B3GALT5: variants seen among roughly 807,000 people sequenced by gnomAD.
The protein encoded by B3GALT5 is UDP-Gal:betaGlcNAc beta 1,3-galactosyltransferase, polypeptide 5.
For synonymous variants in B3GALT5, 156 were observed against 158.6 expected, an observed-to-expected ratio of 0.98 and a Z score of 0.12; for missense variants, 328 against 396.6, an observed-to-expected ratio of 0.83 and a Z score of 1.47.
intron 1 of B3GALT5, among the ~76,000 whole-genome samples, chr21:39,632,414 A>G (rs1232309877): frequency 6.6e-6 from 1 of 152,122 alleles, no homozygotes; most frequent in East Asian, 1.9e-4. Context: ...TGATGGATGA[A>G]GTGGTGCGAG....
In B3GALT5 at chr21:39,661,246, G is replaced by A. The variant is rs894532039; in HGVS notation, c.687G>A (p.Val229=). 4 of 1,614,040 alleles carry A rather than the reference G, an allele frequency of 2.5e-6. No homozygotes were observed. The highest frequency in any genetic ancestry group is 2.2e-5 in the East Asian group (1 of 44,890). Reference sequence around the variant, plus strand: ...TTTCTGGCGACGTGGCGAGTCAGGTGTACAATGTCTCCAAGAGCGTCCCAT... The same window carrying A: ...TTTCTGGCGACGTGGCGAGTCAGGTATACAATGTCTCCAAGAGCGTCCCAT... ...YVFSGDVASQ[V]YNVSKSVPYI... The change falls in exon 4 of 4, where the codon GTG becomes GTA. Residue 229 remains valine, a synonymous_variant. Transcript: ENST00000684187. The surrounding 1 kb of genome is among the most constrained non-coding windows in gnomAD (Gnocchi z 4.7).
At chr21:39,633,870 G>A (rs371521133) in intron 1 of B3GALT5, among the ~76,000 whole-genome samples, 4 of 152,252 alleles carry the variant, frequency 2.6e-5, no homozygotes, top group East Asian at 1.9e-4. Context: ...TTGAAGAAAC[G>A]GAGGCTTAGT....
Position 39,671,427 on chromosome 21 carries a change from G to A in B3GALT5, c.*9935G>A, listed in dbSNP as rs919618759. ...TTGGGTCTCTGGCATGGTGCCTGCT[G>A]GAGAGTAGATACTTGATAATTATCT... On this transcript the variant is annotated 3_prime_UTR_variant, in exon 4 of 4. Transcript: ENST00000684187. The A allele has an allele frequency of 6.6e-6, 1 of 152,084 alleles. No individual in the cohort carries two copies. Among genetic ancestry groups the A allele is most frequent in the African/African-American group, 2.4e-5 (1 of 41,398 alleles). The allele number at this position is 152,084 out of a possible 1,614,324, so 9.4% of individuals were successfully genotyped here.
At chr21:39,637,815 A>G (rs2079239428) in intron 1 of B3GALT5, among the ~76,000 whole-genome samples, 1 of 152,224 alleles carries the variant, frequency 6.6e-6, no homozygotes, top group East Asian at 1.9e-4. Flanking sequence ...TTTAGAAGCA[A>G]GGAGACTTAA....
At chr21:39,651,937 G>A (rs2146209649) in intron 2 of B3GALT5, among the ~76,000 whole-genome samples, 1 of 152,282 alleles carries the variant, frequency 6.6e-6, no homozygotes, top group African/African-American at 2.4e-5. Flanking sequence ...ATGTAAAAAC[G>A]TTATTCAGAG....
In B3GALT5 at chr21:39,670,265, C is replaced by G. The variant is rs1443821842; in HGVS notation, c.*8773C>G. The G allele has an allele frequency of 6.7e-6, 1 of 149,240 alleles. No homozygotes were observed. Among genetic ancestry groups the G allele is most frequent in the Non-Finnish European group, 1.5e-5 (1 of 67,724 alleles). 9.2% of individuals were successfully genotyped at this position (149,240 alleles called of 1,614,324 possible). ...TATGAGAGAGAGAGAGACAGACAGA[C>G]AGATCTGAGGCTCTAATTAGAGATA... is the stretch of plus-strand genomic sequence containing the variant. On this transcript the variant is annotated 3_prime_UTR_variant, in exon 4 of 4. Transcript: ENST00000684187.
At chr21:39,639,334 CTTTCTTTCT>C (rs2079258316) in intron 1 of B3GALT5, among the ~76,000 whole-genome samples, 5 of 118,552 alleles carry the variant, frequency 4.2e-5, no homozygotes, top group Admixed American at 8.8e-5. Flanking sequence ...TTCTTTCTTT[CTTTCTTTCT>C]TTCTTTCCTT....
chr21:39,624,907 T>G (rs1391951700), intron 1 of B3GALT5, among the ~76,000 whole-genome samples: 1 of 151,976 alleles, frequency 6.6e-6, no homozygotes, highest in African/African-American at 2.4e-5. Flanking sequence ...GTGCTTCTAC[T>G]CTGAGACTCA....
At chr21:39,632,793 G>C (rs1424601234) in intron 1 of B3GALT5, among the ~76,000 whole-genome samples, 1 of 152,276 alleles carries the variant, frequency 6.6e-6, no homozygotes, top group South Asian at 2.1e-4. Flanking sequence ...ATAAATGTGG[G>C]TGCTCCTTGA....
chr21:39,650,622 G>A (rs1210303837), intron 2 of B3GALT5, among the ~76,000 whole-genome samples: 4 of 152,106 alleles, frequency 2.6e-5, no homozygotes, highest in African/African-American at 9.7e-5. Context: ...TCATACCTGC[G>A]TGCAGATGCC....
At chr21:39,622,651 T>G (rs1458913477) in intron 1 of B3GALT5, among the ~76,000 whole-genome samples, 1 of 152,144 alleles carries the variant, frequency 6.6e-6, no homozygotes, top group Non-Finnish European at 1.5e-5. Flanking sequence ...ATAGGTAGAT[T>G]TTTTCCAACC....
At chr21:39,658,393 T>G (rs977126527) in intron 2 of B3GALT5, among the ~76,000 whole-genome samples, 5 of 152,070 alleles carry the variant, frequency 3.3e-5, no homozygotes, top group African/African-American at 1.2e-4. Context: ...GAATGAGAAT[T>G]TAAGGTTTAC....
chr21:39,626,588 C>T (rs2079164992), intron 1 of B3GALT5, among the ~76,000 whole-genome samples: 1 of 152,092 alleles, frequency 6.6e-6, no homozygotes, highest in Admixed American at 6.5e-5. Context: ...TCCTTGCCAA[C>T]ATTCGTTATT....
At chr21:39,616,665 A>G (rs577271924) in intron 1 of B3GALT5, among the ~76,000 whole-genome samples, 1 of 152,214 alleles carries the variant, frequency 6.6e-6, no homozygotes, top group African/African-American at 2.4e-5. Flanking sequence ...CTTCTCTCCT[A>G]TGTGAACATC....
In B3GALT5 at chr21:39,634,812, A is replaced by G. The variant is rs534178805; in HGVS notation, c.-391-11580A>G. On this transcript the variant is annotated intron_variant, in intron 1 of 3. Coordinates refer to ENST00000684187, the MANE Select transcript of B3GALT5 (RefSeq NM_001356336.2). ...GAACAGAAGTCATCACGTTTGCTCT[A>G]TGTCTATCAGGAAAACAGCTCAAAG... Among the ~76,000 whole-genome samples, 140 of 152,206 alleles carry G rather than the reference A, an allele frequency of 9.2e-4. 5 individuals carry two copies. In the South Asian group the frequency reaches 0.028, roughly 30 times the overall value.
At chr21:39,645,566 A>G (rs1485176163) in intron 1 of B3GALT5, among the ~76,000 whole-genome samples, 1 of 152,102 alleles carries the variant, frequency 6.6e-6, no homozygotes, top group African/African-American at 2.4e-5. Context: ...TCTGTGGCTG[A>G]CACCACGTGG....
intron 1 of B3GALT5, among the ~76,000 whole-genome samples, chr21:39,644,599 C>T (rs1395592353): frequency 5.3e-5 from 8 of 152,168 alleles, no homozygotes; most frequent in Admixed American, 5.2e-4. Context: ...GAACCATTGT[C>T]TGACCTTCGA....
chr21:39,623,237 CCCTCCCTTCCTTCCTTCCTT>C (rs2079146419), intron 1 of B3GALT5, among the ~76,000 whole-genome samples: 1 of 15,948 alleles, frequency 6.3e-5, no homozygotes, highest in Admixed American at 8.3e-4. Context: ...CTCCCTCCCT[CCCTCCCTTCCTTCCTTCCTT>C]CCTTCCTTCC....
chr21:39,634,379 A>G (rs1299203055), intron 1 of B3GALT5, among the ~76,000 whole-genome samples: 1 of 152,112 alleles, frequency 6.6e-6, no homozygotes, highest in East Asian at 1.9e-4. Flanking sequence ...GAGGTGGGAA[A>G]ACGTTGGGAG....
Sources: gnomAD v4.1 joint callset for allele counts (sites outside exome capture counted in the v4.1 genomes callset) on GRCh38, gnomAD v4.1.1 for gene constraint, Gnocchi (gnomAD v3.1) non-coding constraint, MANE v1.5 for transcripts, NCBI Gene and HGNC (gene_info 2026-07-23, HGNC 2026-07-21) for gene names.